PDE1A: variants seen among roughly 807,000 people sequenced by gnomAD.
PDE1A encodes dual specificity calcium/calmodulin-dependent 3',5'-cyclic nucleotide phosphodiesterase 1A.
PDE1A carries 35 observed loss-of-function variants against 61.7 expected under a neutral mutation model. That is an observed-to-expected ratio of 0.57 (90% CI 0.43 to 0.75). PDE1A has a LOEUF of 0.75. Among genes scored for constraint, PDE1A ranks in the 30% least tolerant of loss-of-function variants. The pLI, the probability that PDE1A is intolerant of heterozygous loss-of-function variation, is 0.00. For synonymous variants in PDE1A, 232 were observed against 213.2 expected (o/e 1.09, Z -0.77); for missense variants, 597 against 630.6 (o/e 0.95, Z 0.57).
At chr2:182,409,869 A>G (rs1050424624) in intron 1 of PDE1A, among the ~76,000 whole-genome samples, 1 of 152,256 alleles carries the variant, frequency 6.6e-6, no homozygotes, top group Non-Finnish European at 1.5e-5. Context: ...AGACATTTAT[A>G]TCACATAGTT....
At chr2:182,474,155 T>C (rs1377132271) in intron 2 of PDE1A, among the ~76,000 whole-genome samples, 4 of 151,974 alleles carry the variant, frequency 2.6e-5, no homozygotes, top group Non-Finnish European at 1.5e-5. Context: ...TTGGTGTGTA[T>C]ATATTATGAA....
At chr2:182,312,230 C>A (rs1196712914) in intron 1 of PDE1A, among the ~76,000 whole-genome samples, 1 of 151,794 alleles carries the variant, frequency 6.6e-6, no homozygotes, top group Non-Finnish European at 1.5e-5. Context: ...AAATATATTT[C>A]CCTGTCCATG....
chr2:182,317,600 A>G lies in PDE1A; in HGVS notation c.54-53186T>C, dbSNP rs543554894. On this transcript the variant is annotated intron_variant, in intron 1 of 13. Transcript: ENST00000351439. ...GCAACAAGGAAAAGCAGAGGCATAC[A>G]TAGTGATGTGTCCGAAAGCCTGAAG... is the stretch of plus-strand genomic sequence containing the variant. Among the ~76,000 whole-genome samples the G allele has an allele frequency of 5.3e-5, 8 of 152,320 alleles. No individual in the cohort carries two copies. In the South Asian group the frequency reaches 1.0e-3, roughly 20 times the overall value.
chr2:182,391,121 T>A (rs1013318773), intron 1 of PDE1A, among the ~76,000 whole-genome samples: 1 of 151,870 alleles, frequency 6.6e-6, no homozygotes, highest in South Asian at 2.1e-4. Context: ...GCTCTGAAAA[T>A]GGATATTAAG....
exon 12 of PDE1A, chr2:182,186,574 T>G (rs571121620): frequency 6.2e-7 from 1 of 1,604,864 alleles, no homozygotes; most frequent in African/African-American, 1.3e-5. Flanking sequence ...GGCTCTACTA[T>G]GAAATCGATG....
At chr2:182,596,169 C>T in the PDE1A span, among the ~76,000 whole-genome samples, 1 of 152,194 alleles carries the variant, frequency 6.6e-6, no homozygotes, top group Non-Finnish European at 1.5e-5. Flanking sequence ...AAAGTCTAAT[C>T]AAGTAAGGTA....
chr2:182,150,434 ATT>A (rs1406962044), intron 13 of PDE1A, among the ~76,000 whole-genome samples: 1 of 152,202 alleles, frequency 6.6e-6, no homozygotes, highest in African/African-American at 2.4e-5. Context: ...TCACTTTTGA[ATT>A]TCATCTTACT....
At chr2:182,343,787 C>T (rs541830505) in intron 1 of PDE1A, among the ~76,000 whole-genome samples, 3 of 152,088 alleles carry the variant, frequency 2.0e-5, no homozygotes, top group South Asian at 2.1e-4. Flanking sequence ...CAAAGACCAT[C>T]GACCATATTT....
chr2:182,647,448 G>A, the PDE1A span, among the ~76,000 whole-genome samples: 17 of 152,046 alleles, frequency 1.1e-4, no homozygotes, highest in Non-Finnish European at 2.1e-4. Context: ...TTTTTCCTAT[G>A]GTATCTTTAT....
chr2:182,218,721 T>C (rs1688458300), intron 7 of PDE1A, among the ~76,000 whole-genome samples: 1 of 152,168 alleles, frequency 6.6e-6, no homozygotes, highest in Non-Finnish European at 1.5e-5. Context: ...GATAAGATCA[T>C]GTGATTTTTT....
Position 182,365,929 on chromosome 2 carries a change from T to C in PDE1A, c.53+60649A>G, listed in dbSNP as rs373370898. Among the ~76,000 whole-genome samples the C allele has an allele frequency of 2.8e-4, 43 of 152,104 alleles. No homozygotes were observed. The East Asian group carries it at 3.3e-3, about 12-fold the overall frequency. On this transcript the variant is annotated intron_variant, in intron 1 of 13. Coordinates refer to ENST00000351439, the Ensembl canonical transcript of PDE1A. ...ATCAATGGTTCTCACCTATGCTAGGTACCACACCCCTCCGAGGTGTACTGT... is the reference window on the plus strand; with the variant it reads ...ATCAATGGTTCTCACCTATGCTAGGCACCACACCCCTCCGAGGTGTACTGT...
chr2:182,487,721 A>G (rs1043252375), intron 2 of PDE1A, among the ~76,000 whole-genome samples: 7 of 152,202 alleles, frequency 4.6e-5, no homozygotes, highest in Admixed American at 3.9e-4. Context: ...TAAGGATTGC[A>G]TAACTCTAAA....
chr2:182,225,956 T>C (rs1689107375), intron 6 of PDE1A, among the ~76,000 whole-genome samples: 1 of 149,762 alleles, frequency 6.7e-6, no homozygotes, highest in African/African-American at 2.5e-5. Context: ...GGAAGAAAGT[T>C]ACCTTATAGA....
chr2:182,204,404 A>G (rs79680034), intron 8 of PDE1A, among the ~76,000 whole-genome samples: 4,753 of 152,180 alleles, frequency 0.031, 249 homozygotes, highest in African/African-American at 0.11. Context: ...CTTGAACAAC[A>G]TAAGTTTGAA....
chr2:182,422,906 T>C (rs1703370470), intron 1 of PDE1A, among the ~76,000 whole-genome samples: 1 of 152,216 alleles, frequency 6.6e-6, no homozygotes, highest in Non-Finnish European at 1.5e-5. Context: ...ATTGAAAATA[T>C]ATTAATATAG....
rs1241201612 is a variant in PDE1A at position 182,198,546 on chromosome 2, G to A, written c.1125+2893C>T. Among the ~76,000 whole-genome samples the A allele has an allele frequency of 2.0e-5, 3 of 151,840 alleles. No homozygotes were observed. In the East Asian group the frequency reaches 5.8e-4, roughly 29 times the overall value. On this transcript the variant is annotated intron_variant, in intron 10 of 13. Coordinates refer to ENST00000351439, the Ensembl canonical transcript of PDE1A. ...TTTACTAACAGTTTTTATAATTAAT[G>A]TCTGTCGAATATTGTCAAATGCATT...
At chr2:182,192,040 A>G (rs1255027645) in intron 10 of PDE1A, among the ~76,000 whole-genome samples, 1 of 151,876 alleles carries the variant, frequency 6.6e-6, no homozygotes, top group Non-Finnish European at 1.5e-5. Flanking sequence ...TATTTTTAGT[A>G]GAGATGGGGT....
chr2:182,578,901 T>C, the PDE1A span, among the ~76,000 whole-genome samples: 5 of 152,212 alleles, frequency 3.3e-5, no homozygotes, highest in Non-Finnish European at 5.9e-5. Flanking sequence ...AAAGTACTAT[T>C]ATATAATTTT....
At chr2:182,350,250 C>A (rs1698792563) in intron 1 of PDE1A, among the ~76,000 whole-genome samples, 1 of 152,174 alleles carries the variant, frequency 6.6e-6, no homozygotes, top group South Asian at 2.1e-4. Flanking sequence ...TGTGGATGTA[C>A]TCTGTTTCCA....
Sources: allele counts gnomAD v4.1 joint callset (sites outside exome capture counted in the v4.1 genomes callset), GRCh38; gene constraint gnomAD v4.1.1; transcripts MANE v1.5; gene names NCBI Gene and HGNC (gene_info 2026-07-23, HGNC 2026-07-21).